IL1RAPL2: variants seen among roughly 807,000 people sequenced by gnomAD.
The protein encoded by IL1RAPL2 is interleukin 1 receptor accessory protein like 2.
A neutral mutation model predicts 44.1 loss-of-function variants in IL1RAPL2; 3 were observed. The ratio of observed to expected loss-of-function variants is 0.07; its 90% CI spans 0.03 to 0.18. The LOEUF (loss-of-function observed/expected upper bound fraction) is 0.18, where lower values mean the gene tolerates loss of function less well. IL1RAPL2 is among the 10% of genes least tolerant of loss of function. The pLI is 1.00. For synonymous variants in IL1RAPL2, 181 were observed against 178.8 expected (o/e 1.01, Z -0.10); for missense variants, 391 against 496.4 (o/e 0.79, Z 2.02).
At chrX:105,327,830 A>AT (rs2034952519) in intron 5 of IL1RAPL2, among the ~76,000 whole-genome samples, 1 of 112,072 alleles carries the variant, frequency 8.9e-6, no homozygotes, top group South Asian at 3.7e-4. Flanking sequence ...TGTATTCCCT[A>AT]TATAGGCACT....
At chrX:104,948,044 C>A (rs889703954) in intron 2 of IL1RAPL2, among the ~76,000 whole-genome samples, 12 of 110,416 alleles carry the variant, frequency 1.1e-4, no homozygotes, top group African/African-American at 3.3e-4. Flanking sequence ...TCTTCCTACC[C>A]ATGAGCATGG....
intron 2 of IL1RAPL2, among the ~76,000 whole-genome samples, chrX:105,127,136 G>A (rs2032982974): frequency 9.0e-6 from 1 of 111,267 alleles, no homozygotes; most frequent in Non-Finnish European, 1.9e-5. Context: ...AGCAAGCAAG[G>A]AAAGGAATTT....
intron 2 of IL1RAPL2, among the ~76,000 whole-genome samples, chrX:105,045,946 C>T (rs1038366541): frequency 4.5e-5 from 5 of 110,914 alleles, no homozygotes; most frequent in South Asian, 3.8e-4. Context: ...GCTAAATAAC[C>T]TTTGGTCTTT....
chrX:105,349,398 C>T (rs930618384), intron 5 of IL1RAPL2, among the ~76,000 whole-genome samples: 1 of 111,920 alleles, frequency 8.9e-6, no homozygotes, highest in Non-Finnish European at 1.9e-5. Context: ...TAAAATAAAA[C>T]AAAGGCAATT....
At chrX:105,504,689 A>C (rs1388667961) in intron 6 of IL1RAPL2, among the ~76,000 whole-genome samples, 1 of 111,866 alleles carries the variant, frequency 8.9e-6, no homozygotes, top group African/African-American at 3.3e-5. Flanking sequence ...ATTGTGAAGA[A>C]AATAAGTAGT....
intron 2 of IL1RAPL2, among the ~76,000 whole-genome samples, chrX:104,728,668 T>C (rs1266574641): frequency 1.8e-5 from 2 of 110,982 alleles, no homozygotes; most frequent in African/African-American, 3.3e-5. Flanking sequence ...CATGTGAAGA[T>C]TGGAGATAAG....
At chrX:105,133,192 A>C (rs2033044521) in intron 2 of IL1RAPL2, among the ~76,000 whole-genome samples, 1 of 112,036 alleles carries the variant, frequency 8.9e-6, no homozygotes, top group Admixed American at 9.5e-5. Context: ...TATTCTGTGT[A>C]AATATAACCT....
intron 2 of IL1RAPL2, among the ~76,000 whole-genome samples, chrX:104,680,596 G>A (rs1465996742): frequency 9.1e-6 from 1 of 110,154 alleles, no homozygotes; most frequent in Non-Finnish European, 1.9e-5. Context: ...AGATTATAGG[G>A]GAACTACCCC....
At chrX:105,171,113 A>G (rs1311383092) in intron 2 of IL1RAPL2, among the ~76,000 whole-genome samples, 2 of 111,958 alleles carry the variant, frequency 1.8e-5, no homozygotes, top group Non-Finnish European at 3.8e-5. Flanking sequence ...ACCCTCTATG[A>G]GGCCCCACCT....
rs2036258526 is a variant in IL1RAPL2, at chrX:105,485,352, T to A, written c.772+965T>A. ...GGTACCTAGTAGGTGTGTATATTTA[T>A]AGAGTACATGAAATATTTTGATACA... is the stretch of plus-strand genomic sequence containing the variant. On this transcript the variant is annotated intron_variant, in intron 6 of 10. Coordinates refer to ENST00000372582, the MANE Select transcript of IL1RAPL2 (RefSeq NM_017416.2). 2.7e-5 allele frequency among the ~76,000 whole-genome samples: 3 copies of A among 111,614 alleles called. No homozygotes were observed. The South Asian group carries it at 1.1e-3, about 42-fold the overall frequency.
At chrX:104,711,448 A>G (rs1482658713) in intron 2 of IL1RAPL2, among the ~76,000 whole-genome samples, 2 of 110,999 alleles carry the variant, frequency 1.8e-5, no homozygotes, top group African/African-American at 3.3e-5. Flanking sequence ...GATGAAATCT[A>G]AGGAATACAG....
chrX:104,953,669 A>G (rs979110447), intron 2 of IL1RAPL2, among the ~76,000 whole-genome samples: 3 of 111,566 alleles, frequency 2.7e-5, no homozygotes, highest in Non-Finnish European at 5.6e-5. Flanking sequence ...AAGTTTCTAG[A>G]TGGAACAAAG....
At chrX:105,325,541 T>A (rs895434765) in intron 5 of IL1RAPL2, among the ~76,000 whole-genome samples, 4 of 76,091 alleles carry the variant, frequency 5.3e-5, no homozygotes, top group African/African-American at 2.8e-4. Flanking sequence ...TCTCTTGGTT[T>A]TATATATATA....
intron 2 of IL1RAPL2, among the ~76,000 whole-genome samples, chrX:105,059,528 C>CT (rs775130033): frequency 2.3e-3 from 258 of 111,601 alleles, no homozygotes; most frequent in African/African-American, 7.1e-3. Flanking sequence ...TCTTTTCTTT[C>CT]TTTTTTTTCT....
intron 2 of IL1RAPL2, among the ~76,000 whole-genome samples, chrX:104,822,216 C>A (rs924232218): frequency 1.8e-4 from 20 of 111,288 alleles, no homozygotes; most frequent in Non-Finnish European, 3.6e-4. Context: ...CACTCTGATG[C>A]TAGTTTCTTT....
chrX:104,901,510 C>T (rs1266390876), intron 2 of IL1RAPL2, among the ~76,000 whole-genome samples: 1 of 110,077 alleles, frequency 9.1e-6, no homozygotes, highest in East Asian at 2.9e-4. Flanking sequence ...CGCACCCTAC[C>T]GAGTTGGTTG....
At chrX:104,782,702 GC>G (rs919232938) in intron 2 of IL1RAPL2, among the ~76,000 whole-genome samples, 2 of 111,117 alleles carry the variant, frequency 1.8e-5, no homozygotes, top group African/African-American at 6.5e-5. Context: ...GGAGAATGTT[GC>G]CCCCTGGAAA....
At position 104,829,478 on chromosome X, in the gene IL1RAPL2, C is replaced by T. The variant is rs1249757647; in HGVS notation, c.82+170483C>T. Among the ~76,000 whole-genome samples, 3 of 112,011 alleles carry T rather than the reference C, an allele frequency of 2.7e-5. No homozygotes were observed. In the Admixed American group the frequency reaches 2.8e-4, roughly 11 times the overall value. ...GCTGCACTCACTGTCTAACCAGTCC[C>T]AATGAAATGAACTGGGTACTTTAGT... On this transcript the variant is annotated intron_variant, in intron 2 of 10. Coordinates refer to ENST00000372582, the MANE Select transcript of IL1RAPL2 (RefSeq NM_017416.2).
intron 5 of IL1RAPL2, among the ~76,000 whole-genome samples, chrX:105,394,826 C>T (rs1481114997): frequency 2.7e-5 from 3 of 110,916 alleles, no homozygotes; most frequent in African/African-American, 9.9e-5. Flanking sequence ...CTTGGTATTG[C>T]TCTGACATGT....
Sources: allele counts gnomAD v4.1 joint callset (sites outside exome capture counted in the v4.1 genomes callset), GRCh38; gene constraint gnomAD v4.1.1; transcripts MANE v1.5; gene names NCBI Gene and HGNC (gene_info 2026-07-23, HGNC 2026-07-21).